UBAP2L: variants seen among roughly 807,000 people sequenced by gnomAD.
UBAP2L encodes the protein ubiquitin-associated protein 2-like.
UBAP2L carries 12 observed loss-of-function variants against 130.6 expected under a neutral mutation model. The observed-to-expected ratio is 0.09, with a 90% CI of 0.06 to 0.15. The LOEUF is 0.15. Ranked by LOEUF, UBAP2L falls within the 10% of genes least tolerant of loss-of-function variation. UBAP2L has a pLI of 1.00. For missense variants in UBAP2L, 965 were observed against 1,332.5 expected (o/e 0.72, Z 4.29); for synonymous variants, 503 against 524.7 (o/e 0.96, Z 0.57).
intron 3 of UBAP2L, among the ~76,000 whole-genome samples, chr1:154,227,645 C>G (rs1217444013): frequency 6.6e-6 from 1 of 151,318 alleles, no homozygotes; most frequent in Non-Finnish European, 1.5e-5. Context: ...CTCCCGAGTT[C>G]AAGCGATTCT....
chr1:154,237,823 A>T lies in UBAP2L; in HGVS notation c.703+687A>T, dbSNP rs185425073. ...ACTTTGGTGCCTGCGTCTGGGCTGG[A>T]TATAAATGTTTAAGGATATGTTAAG... On this transcript the variant is annotated intron_variant, in intron 8 of 26. Coordinates refer to ENST00000428931, the MANE Select transcript of UBAP2L (RefSeq NM_014847.4). Among the ~76,000 whole-genome samples the T allele has an allele frequency of 1.9e-3, 285 of 152,264 alleles. 1 individual carries two copies. The highest frequency in any genetic ancestry group is 5.5e-3 in the Admixed American group (84 of 15,284).
intron 11 of UBAP2L, among the ~76,000 whole-genome samples, chr1:154,247,931 A>C (rs181402618): frequency 2.6e-3 from 399 of 151,898 alleles, no homozygotes; most frequent in Non-Finnish European, 4.6e-3. Context: ...TAATACAGTG[A>C]ACACTAGGTA....
chr1:154,255,774 G>A lies in UBAP2L; in HGVS notation c.2157+19G>A, dbSNP rs1679427230. ...TCTTTTGGTAAGTGTGATGCTGAGA[G>A]GGATGTGTGGTTTTCTTACACTTAG... On this transcript the variant is annotated intron_variant, in intron 18 of 26. Coordinates refer to ENST00000428931, the MANE Select transcript of UBAP2L (RefSeq NM_014847.4). The A allele has an allele frequency of 2.5e-6, 4 of 1,613,006 alleles. No individual in the cohort carries two copies. The South Asian group carries it at 4.4e-5, about 18-fold the overall frequency.
intron 20 of UBAP2L, 160 bp from the exon 21 acceptor site, chr1:154,258,817 T>G: frequency 1.7e-6 from 1 of 590,856 alleles, no homozygotes; most frequent in Non-Finnish European, 3.0e-6. Context: ...TCTGTGTACT[T>G]TACTGCTTTT....
At chr1:154,263,217 A>T (rs1385046100) in intron 24 of UBAP2L, 2 of 1,548,832 alleles carry the variant, frequency 1.3e-6, no homozygotes, top group Non-Finnish European at 1.7e-6. Context: ...GTCTTGTTTC[A>T]GAAACCAGAC....
chr1:154,225,632 G>A (rs1003996534), intron 2 of UBAP2L, among the ~76,000 whole-genome samples: 1 of 152,052 alleles, frequency 6.6e-6, no homozygotes, highest in Non-Finnish European at 1.5e-5. Flanking sequence ...ACCATGCCAG[G>A]CTAATTTTAA....
intron 8 of UBAP2L, among the ~76,000 whole-genome samples, chr1:154,239,275 T>C (rs564824264): frequency 6.6e-6 from 1 of 152,240 alleles, no homozygotes; most frequent in South Asian, 2.1e-4. Flanking sequence ...CTTGATTTCA[T>C]TGGGGTTGAG....
In UBAP2L at chr1:154,249,386, TCC is replaced by T; in HGVS notation, c.1163_1164del (p.Ser388PhefsTer17). ...TTCTCAGTCTGGAAGCACCACCACCTCCTCTTGGGACATGGGCTCGACGACAC... is the reference window on the plus strand; with the variant it reads ...TTCTCAGTCTGGAAGCACCACCACCTTCTTGGGACATGGGCTCGACGACAC... Reference protein sequence around the residue: ...QHSQSGSTTTSSWDMGSTTQS... With the variant: ...QHSQSGSTTTXSWDMGSTTQS... On this transcript the variant is annotated frameshift_variant, in exon 12 of 27. Coordinates refer to ENST00000428931, the MANE Select transcript of UBAP2L (RefSeq NM_014847.4). LOFTEE classifies it high-confidence loss of function. The T allele has an allele frequency of 6.2e-7, 1 of 1,614,144 alleles. No individual in the cohort carries two copies. The highest frequency in any genetic ancestry group is 8.5e-7 in the Non-Finnish European group (1 of 1,180,040).
Position 154,228,188 on chromosome 1 carries a change from T to G in UBAP2L, c.169-427T>G, listed in dbSNP as rs368844697. On this transcript the variant is annotated intron_variant, in intron 3 of 26. Transcript: ENST00000428931. ...ACATCATTTTTCTTTCTTTCTTTTT[T>G]GTTTTTTTTTTTATTTTGAGACGGA... is the stretch of plus-strand genomic sequence containing the variant. Among the ~76,000 whole-genome samples the G allele has an allele frequency of 3.9e-5, 6 of 151,976 alleles. No homozygotes were observed. The East Asian group carries it at 5.8e-4, about 15-fold the overall frequency.
intron 11 of UBAP2L, among the ~76,000 whole-genome samples, chr1:154,247,866 C>G (rs1410022631): frequency 1.3e-5 from 2 of 151,960 alleles, no homozygotes; most frequent in Non-Finnish European, 2.9e-5. Context: ...GGATTAATTT[C>G]ACTTAAAATT....
upstream of UBAP2L, chr1:154,220,266 A>G: frequency 6.5e-7 from 1 of 1,544,470 alleles, no homozygotes; most frequent in Admixed American, 1.7e-5. Context: ...GAGAATGCAG[A>G]CGGGGTACAG....
Position 154,234,731 on chromosome 1 carries a change from G to A in UBAP2L, c.420G>A (p.Arg140=). 2 of 1,608,380 alleles carry A rather than the reference G, an allele frequency of 1.2e-6. No homozygotes were observed. The change falls in exon 5 of 27, where the codon CGG becomes CGA. Residue 140 remains arginine, a synonymous_variant. Transcript: ENST00000428931. The stretch of plus-strand genomic sequence containing the variant: ...GGCGACGTGGTGGGCCACCAAGACG[G>A]GGGAGAGGTGCCAGCCGTGGACGAG... ...YSRRRGGPPR[R]GRGASRGREF...
intron 25 of UBAP2L, among the ~76,000 whole-genome samples, chr1:154,267,463 T>C (rs1683617249): frequency 6.6e-6 from 1 of 151,580 alleles, no homozygotes; most frequent in Non-Finnish European, 1.5e-5. Context: ...GAGTTACTAT[T>C]TTTGTAAGGA....
intron 14 of UBAP2L, among the ~76,000 whole-genome samples, chr1:154,253,619 GC>G: frequency 6.6e-6 from 1 of 151,084 alleles, no homozygotes; most frequent in Non-Finnish European, 1.5e-5. Flanking sequence ...TGATCCGCCC[GC>G]CTCGACCTTC....
At chr1:154,263,965 AGGCTCTGTGGC>A (rs1397691198) in intron 24 of UBAP2L, among the ~76,000 whole-genome samples, 17 of 152,214 alleles carry the variant, frequency 1.1e-4, no homozygotes, top group Admixed American at 1.1e-3. Flanking sequence ...TTGATGACTC[AGGCTCTGTGGC>A]GACTGTGCTA....
At chr1:154,263,713 A>G (rs749357024) in intron 24 of UBAP2L, among the ~76,000 whole-genome samples, 5 of 152,232 alleles carry the variant, frequency 3.3e-5, no homozygotes, top group Non-Finnish European at 5.9e-5. Context: ...AACTATTTGT[A>G]GAAATACCTG....
In UBAP2L at chr1:154,270,405, A is replaced by G; in HGVS notation, c.*110A>G. 2 of 1,013,248 alleles carry G rather than the reference A, an allele frequency of 2.0e-6. No individual in the cohort carries two copies. Among genetic ancestry groups the G allele is most frequent in the Non-Finnish European group, 1.4e-6 (1 of 690,966 alleles). 62.8% of individuals were successfully genotyped at this position (1,013,248 alleles called of 1,614,324 possible). Reference sequence around the variant, plus strand: ...ATGTGGGGGGTTTCCGCTGCCCCCCACCCCCAGCGGCCCACCCCATGCCTC... The same window carrying G: ...ATGTGGGGGGTTTCCGCTGCCCCCCGCCCCCAGCGGCCCACCCCATGCCTC... On this transcript the variant is annotated 3_prime_UTR_variant, in exon 27 of 27. Coordinates refer to ENST00000428931, the MANE Select transcript of UBAP2L (RefSeq NM_014847.4).
intron 12 of UBAP2L, among the ~76,000 whole-genome samples, 183 bp from the exon 13 acceptor site, chr1:154,250,847 CAAAAAAAAAAA>C (rs1023678670): frequency 2.0e-5 from 1 of 48,976 alleles, no homozygotes; most frequent in East Asian, 5.1e-4. Flanking sequence ...ACTCCCATCT[CAAAAAAAAAAA>C]AAAAAAAAAG....
In UBAP2L at chr1:154,262,775, A is replaced by G. The variant is rs1681986290; in HGVS notation, c.2902+1078A>G. ...GAGAAGCCCCATTGAGATTTAATAC[A>G]TAGACTCCTTGTGGCCACCCCTGTC... On this transcript the variant is annotated intron_variant, in intron 24 of 26. Transcript: ENST00000428931. 2.6e-5 allele frequency among the ~76,000 whole-genome samples: 4 copies of G among 152,206 alleles called. No individual in the cohort carries two copies. The South Asian group carries it at 8.3e-4, about 32-fold the overall frequency.
Sources: gnomAD v4.1 joint callset for allele counts (sites outside exome capture counted in the v4.1 genomes callset) on GRCh38, gnomAD v4.1.1 for gene constraint, MANE v1.5 for transcripts, NCBI Gene and HGNC (gene_info 2026-07-23, HGNC 2026-07-21) for gene names.